Variants in APPL1 observed in about 807,000 individuals in gnomAD.
APPL1 encodes the protein adaptor protein, phosphotyrosine interacting with PH domain and leucine zipper 1, also known as DCC-interacting protein 13-alpha.
APPL1 carries 42 observed loss-of-function variants against 106.8 expected under a neutral mutation model. That is an observed-to-expected ratio of 0.39 (90% CI 0.31 to 0.51). The LOEUF (loss-of-function observed/expected upper bound fraction) is 0.51, where lower values mean the gene tolerates loss of function less well. APPL1 is among the 20% of genes least tolerant of loss of function. APPL1 has a pLI of 0.75. For synonymous variants in APPL1, 263 were observed against 281.8 expected (o/e 0.93, Z 0.67); for missense variants, 769 against 858.2 (o/e 0.90, Z 1.30).
intron 13 of APPL1, among the ~76,000 whole-genome samples, chr3:57,254,283 C>T (rs536632504): frequency 2.0e-5 from 3 of 152,316 alleles, no homozygotes; most frequent in African/African-American, 7.2e-5. Flanking sequence ...TTTAACTCTG[C>T]GTTGAGCACC....
chr3:57,230,387 AC>A (rs1181116090), intron 1 of APPL1, among the ~76,000 whole-genome samples: 1 of 151,830 alleles, frequency 6.6e-6, no homozygotes, highest in Non-Finnish European at 1.5e-5. Context: ...ACACACAATT[AC>A]CTGTTGGTTA....
intron 13 of APPL1, among the ~76,000 whole-genome samples, 184 bp from the exon 14 acceptor site, chr3:57,256,773 A>G (rs2060838436): frequency 6.6e-6 from 1 of 152,226 alleles, no homozygotes; most frequent in Admixed American, 6.5e-5. Context: ...GCTAGATTAT[A>G]GGAAGTAAGA....
At chr3:57,247,586 C>A in intron 9 of APPL1, 109 bp downstream of exon 9, 1 of 736,512 alleles carries the variant, frequency 1.4e-6, no homozygotes, top group Non-Finnish European at 2.1e-6. Context: ...AATATTTTCC[C>A]TGCCATGAGA....
chr3:57,256,852 A>G, intron 13 of APPL1, 105 bp from the exon 14 acceptor site: 1 of 854,470 alleles, frequency 1.2e-6, no homozygotes, highest in Middle Eastern at 2.5e-4. Context: ...TCTAATTTAT[A>G]TTTTAAGTGT....
rs1348171131 is a variant in APPL1, at chr3:57,257,032, A to G, written c.1228A>G (p.Ser410Gly). The change falls in exon 14 of 22, where the codon AGC becomes GGC. Residue 410 changes from serine (S) to glycine (G), a missense_variant. Ser to Gly is a moderately conservative substitution (Grantham distance 56, BLOSUM62 0). Transcript: ENST00000288266. ...CCCATCTTTCCAGCAGAGGCACGAG[A>G]GCCTGCGGCCAGCAGCAGGGTAAGT... ...PSPSFQQRHESLRPAAGQSRP... is the reference protein window; with the variant it reads ...PSPSFQQRHEGLRPAAGQSRP... 8 of 1,614,066 alleles carry G rather than the reference A, an allele frequency of 5.0e-6. No homozygotes were observed. The African/African-American group carries it at 8.0e-5, about 16-fold the overall frequency.
intron 19 of APPL1, among the ~76,000 whole-genome samples, chr3:57,267,075 CA>C (rs1206955214): frequency 6.6e-6 from 1 of 152,170 alleles, no homozygotes; most frequent in East Asian, 1.9e-4. Context: ...TGGCTATTTG[CA>C]TTGAACCTAT....
At chr3:57,242,567 C>T (rs1208169926) in intron 6 of APPL1, among the ~76,000 whole-genome samples, 4 of 152,126 alleles carry the variant, frequency 2.6e-5, no homozygotes, top group African/African-American at 7.2e-5. Context: ...GGACTATTGG[C>T]ATATGCCACT....
rs753127817 is a variant in APPL1, at chr3:57,248,284, C to G, written c.796C>G (p.Pro266Ala). The G allele has an allele frequency of 6.2e-7, 1 of 1,614,024 alleles. No individual in the cohort carries two copies. Among genetic ancestry groups the G allele is most frequent in the Non-Finnish European group, 8.5e-7 (1 of 1,180,004 alleles). The change falls in exon 10 of 22, where the codon CCA becomes GCA. Residue 266 changes from proline to alanine, a missense_variant. Pro to Ala is a conservative substitution (Grantham distance 27). Transcript: ENST00000288266. ...CAGTGATCCCTTATATGTGCCTGAC[C>G]CAGACCCCACCAAATTTCCTGTTAA... is the stretch of plus-strand genomic sequence containing the variant. ...VASDPLYVPD[P>A]DPTKFPVNRN...
At chr3:57,256,538 C>A (rs2107606765) in intron 13 of APPL1, among the ~76,000 whole-genome samples, 1 of 152,238 alleles carries the variant, frequency 6.6e-6, no homozygotes, top group African/African-American at 2.4e-5. Context: ...ATTTCCTATT[C>A]CTTCTAAATT....
chr3:57,263,320 C>T (rs1462588674), intron 19 of APPL1, among the ~76,000 whole-genome samples: 1 of 151,666 alleles, frequency 6.6e-6, no homozygotes, highest in Non-Finnish European at 1.5e-5. Flanking sequence ...TATTATTGAC[C>T]GTAGTCCCCC....
At position 57,273,108 on chromosome 3, in the gene APPL1, C is replaced by G. The variant is rs1488628325; in HGVS notation, c.*3421C>G. 1 of 152,592 alleles carries G rather than the reference C, an allele frequency of 6.6e-6. No homozygotes were observed. The highest frequency in any genetic ancestry group is 2.4e-5 in the African/African-American group (1 of 41,434). The allele number at this position is 152,592 out of a possible 1,614,324, so 9.5% of individuals were successfully genotyped here. A position where few individuals can be genotyped will look rare whatever the true frequency, so the allele number is the denominator to read the frequency against. On this transcript the variant is annotated 3_prime_UTR_variant, in exon 22 of 22. Transcript: ENST00000288266. ...CTATATTATACTTTTTAACCAATCT[C>G]TGTGGCTTCACTCATGAAATTTACT... is the stretch of plus-strand genomic sequence containing the variant.
intron 1 of APPL1, among the ~76,000 whole-genome samples, chr3:57,232,358 A>G (rs1374122902): frequency 2.6e-5 from 4 of 152,184 alleles, no homozygotes; most frequent in African/African-American, 9.7e-5. Flanking sequence ...AACAATTGCT[A>G]TCAGCCAGGT....
chr3:57,236,012 T>C (rs181001628), intron 2 of APPL1, among the ~76,000 whole-genome samples: 118 of 151,766 alleles, frequency 7.8e-4, no homozygotes, highest in Admixed American at 1.5e-3. Flanking sequence ...ATCATGCTTA[T>C]TACAATCTTA....
At chr3:57,260,854 T>TA in intron 19 of APPL1, 80 bp downstream of exon 19, 1 of 1,300,830 alleles carries the variant, frequency 7.7e-7, no homozygotes, top group Non-Finnish European at 1.0e-6. Flanking sequence ...ATTAAATTCT[T>TA]ACAAATTAAA....
intron 15 of APPL1, among the ~76,000 whole-genome samples, chr3:57,257,737 AT>A (rs1001807670): frequency 6.6e-6 from 1 of 152,178 alleles, no homozygotes; most frequent in Non-Finnish European, 1.5e-5. Flanking sequence ...GGTCATGACA[AT>A]TTTTAAAAAA....
intron 1 of APPL1, among the ~76,000 whole-genome samples, chr3:57,232,453 TCA>T (rs1371825788): frequency 6.6e-6 from 1 of 152,082 alleles, no homozygotes; most frequent in Non-Finnish European, 1.5e-5. Flanking sequence ...GTGTAGTCTC[TCA>T]GTGTTCAACT....
rs1422647487 is a variant in APPL1, at chr3:57,267,817, C to T, written c.1893+25C>T. 1.9e-6 allele frequency: 3 copies of T among 1,611,366 alleles called. No individual in the cohort carries two copies. The East Asian group carries it at 6.7e-5, about 36-fold the overall frequency. On this transcript the variant is annotated intron_variant, in intron 20 of 21. Coordinates refer to ENST00000288266, the MANE Select transcript of APPL1 (RefSeq NM_012096.3). ...GGTAAGAATCCAAGATGTGGCTGGG[C>T]ACAGTGGTTCACACCTGTAATCGCA...
chr3:57,250,504 A>G (rs895830546), intron 11 of APPL1, among the ~76,000 whole-genome samples: 3 of 152,226 alleles, frequency 2.0e-5, no homozygotes, highest in Non-Finnish European at 2.9e-5. Context: ...TTCAAAAAGC[A>G]TGGAAAATGT....
chr3:57,255,665 T>G (rs1040606723), intron 13 of APPL1, among the ~76,000 whole-genome samples: 1 of 152,226 alleles, frequency 6.6e-6, no homozygotes, highest in Admixed American at 6.5e-5. Context: ...TTATGTCTAA[T>G]AAAATAAATT....
Sources: gnomAD v4.1 joint callset for allele counts (sites outside exome capture counted in the v4.1 genomes callset) on GRCh38, gnomAD v4.1.1 for gene constraint, MANE v1.5 for transcripts, NCBI Gene and HGNC (gene_info 2026-07-23, HGNC 2026-07-21) for gene names.